The following EML2 variants were observed in gnomAD, a reference collection of about 807,000 sequenced individuals.
EML2 encodes EMAP like 2, also known as echinoderm microtubule-associated protein-like 2.
A neutral mutation model predicts 84.7 loss-of-function variants in EML2; 59 were observed. The observed-to-expected ratio is 0.70, with a 90% CI of 0.56 to 0.86. The LOEUF is 0.86. EML2 is among the 40% of genes least tolerant of loss of function. The pLI is 0.00. For synonymous variants in EML2, 352 were observed against 348.9 expected (o/e 1.01, Z -0.10); for missense variants, 818 against 855.6 (o/e 0.96, Z 0.55).
intron 17 of EML2, among the ~76,000 whole-genome samples, chr19:45,613,978 G>A (rs1970757895): frequency 6.6e-6 from 1 of 152,066 alleles, no homozygotes; most frequent in African/African-American, 2.4e-5. Flanking sequence ...TGGCCACCCT[G>A]CCTCCCTGCA....
upstream of EML2, chr19:45,639,464 G>C: frequency 8.2e-7 from 1 of 1,216,714 alleles, no homozygotes; most frequent in Non-Finnish European, 1.0e-6. Flanking sequence ...GGGCCGCCGC[G>C]CCCCTGCCCC....
At chr19:45,644,655 G>C, upstream of EML2, 1 of 455,322 alleles carries the variant, frequency 2.2e-6, no homozygotes, top group East Asian at 6.9e-5. Context: ...CAGAGACCAG[G>C]CCTCACTTCC....
intron 16 of EML2, 124 bp downstream of exon 16, chr19:45,615,678 A>G: frequency 1.2e-6 from 1 of 839,264 alleles, no homozygotes; most frequent in Non-Finnish European, 1.9e-6. Context: ...CCTAAATTCC[A>G]AATCAGAACC....
Position 45,626,844 on chromosome 19 carries a change from G to T in EML2, c.607-5C>A, listed in dbSNP as rs755087387. On this transcript the variant is annotated splice_polypyrimidine_tract_variant and splice_region_variant and intron_variant, in intron 7 of 18. Coordinates refer to ENST00000245925, the MANE Select transcript of EML2 (RefSeq NM_012155.4). Reference sequence around the variant, plus strand: ...CAATACAGCCTCATTGGAGCACTTTGGGGGGTGGGGGAGATTCTGAATGAG... The same window carrying T: ...CAATACAGCCTCATTGGAGCACTTTTGGGGGTGGGGGAGATTCTGAATGAG... The T allele has an allele frequency of 4.4e-6, 7 of 1,605,784 alleles. No homozygotes were observed. The South Asian group carries it at 4.4e-5, about 10-fold the overall frequency.
At chr19:45,630,849 GTTT>G (rs1241488510) in intron 6 of EML2, among the ~76,000 whole-genome samples, 3 of 152,028 alleles carry the variant, frequency 2.0e-5, no homozygotes, top group African/African-American at 7.2e-5. Context: ...GTTTTTGTTT[GTTT>G]TTTATTTTAT....
upstream of EML2, chr19:45,641,721 C>T (rs1974527693): frequency 6.5e-7 from 1 of 1,535,968 alleles, no homozygotes; most frequent in Non-Finnish European, 8.7e-7. Context: ...AGGCGAGGCG[C>T]TCTGGTGACA....
chr19:45,627,639 C>G (rs1972530147), intron 7 of EML2, among the ~76,000 whole-genome samples: 1 of 152,224 alleles, frequency 6.6e-6, no homozygotes, highest in African/African-American at 2.4e-5. Flanking sequence ...ATTAACAAAA[C>G]AGCAGACACT....
intron 6 of EML2, 160 bp downstream of exon 6, chr19:45,632,701 C>A: frequency 1.6e-6 from 1 of 632,472 alleles, no homozygotes; most frequent in Non-Finnish European, 2.7e-6. Context: ...ACTCACCCGC[C>A]CCTTGGGGTG....
In EML2 at chr19:45,634,335, C is replaced by T. The variant is rs749591053; in HGVS notation, c.316G>A (p.Asp106Asn). The T allele has an allele frequency of 3.7e-6, 6 of 1,613,228 alleles. No homozygotes were observed. The highest frequency in any genetic ancestry group is 1.7e-5 in the Admixed American group (1 of 59,960). ...CCCACATCTCACCATTTGATGTCATCGTTGTGTCCCAGGTAGTGTCGCTGC... is the reference window on the plus strand; with the variant it reads ...CCCACATCTCACCATTTGATGTCATTGTTGTGTCCCAGGTAGTGTCGCTGC... ...QRQRHYLGHN[D>N]DIKCLAIHPD... is the part of the protein sequence containing the mutation. Residue 106 changes from aspartate to asparagine, a missense_variant, in exon 4 of 19, where the codon GAT becomes AAT. By Grantham distance (23) the Asp-to-Asn change is conservative (BLOSUM62 1). Transcript: ENST00000245925.
intron 17 of EML2, among the ~76,000 whole-genome samples, chr19:45,614,329 T>G (rs1453583328): frequency 2.0e-5 from 3 of 152,188 alleles, no homozygotes; most frequent in Non-Finnish European, 4.4e-5. Flanking sequence ...TCAGGGAATA[T>G]GTGTTTGCTT....
At chr19:45,619,346 C>T in intron 11 of EML2, 155 bp from the exon 12 acceptor site, 1 of 951,760 alleles carries the variant, frequency 1.1e-6, no homozygotes, top group Non-Finnish European at 1.5e-6. Context: ...AAGGGGGCCT[C>T]AATTGGGCAT....
At chr19:45,639,320 G>T in intron 1 of EML2, 37 bp downstream of exon 1, 1 of 1,349,302 alleles carries the variant, frequency 7.4e-7, no homozygotes, top group Non-Finnish European at 9.6e-7. Context: ...CGGGAGCGCG[G>T]AGAGGAGATG....
upstream of EML2, chr19:45,644,729 G>T (rs1394088700): frequency 1.3e-5 from 6 of 456,016 alleles, no homozygotes; most frequent in Admixed American, 2.4e-5. Context: ...CACCCACAGT[G>T]GTCCTTCTGG....
chr19:45,614,095 T>C (rs528578510), intron 17 of EML2, among the ~76,000 whole-genome samples: 10 of 152,262 alleles, frequency 6.6e-5, no homozygotes, highest in Non-Finnish European at 1.3e-4. Context: ...TAACTCCTCA[T>C]CCTCCAGGTC....
intron 9 of EML2, among the ~76,000 whole-genome samples, 179 bp downstream of exon 9, chr19:45,624,540 G>T (rs571740929): frequency 6.6e-6 from 1 of 152,052 alleles, no homozygotes; most frequent in Non-Finnish European, 1.5e-5. Flanking sequence ...GGCAAGGCAG[G>T]GGGGAGTCAA....
chr19:45,611,965 G>A (rs542119077), intron 18 of EML2, among the ~76,000 whole-genome samples: 69 of 152,188 alleles, frequency 4.5e-4, no homozygotes, highest in Non-Finnish European at 8.5e-4. Context: ...TCTGCCTCCC[G>A]GGTTCAGGCA....
At chr19:45,636,410 G>A (rs773431454) in intron 3 of EML2, among the ~76,000 whole-genome samples, 20 of 152,328 alleles carry the variant, frequency 1.3e-4, no homozygotes, top group Admixed American at 4.6e-4. Context: ...CTGAGATTGG[G>A]CTGTTTTTTT....
chr19:45,618,432 G>A (rs1047471673), intron 12 of EML2, among the ~76,000 whole-genome samples: 1 of 151,780 alleles, frequency 6.6e-6, no homozygotes, highest in Non-Finnish European at 1.5e-5. Context: ...GTGGCCAGTG[G>A]TTACCCTATG....
Position 45,613,626 on chromosome 19 carries a change from G to T in EML2, c.1739C>A (p.Ala580Asp), listed in dbSNP as rs772014629. The T allele has an allele frequency of 6.2e-7, 1 of 1,613,954 alleles. No homozygotes were observed. Among genetic ancestry groups the T allele is most frequent in the African/African-American group, 1.3e-5 (1 of 74,890 alleles). ...GADGTDINAVARSHDGKLLAS... is the reference protein window; with the variant it reads ...GADGTDINAVDRSHDGKLLAS... Reference sequence around the variant, plus strand: ...CAGCAACTTCCCATCATGAGAGCGGGCCACAGCGTTGATATCAGTGCCGTC... The same window carrying T: ...CAGCAACTTCCCATCATGAGAGCGGTCCACAGCGTTGATATCAGTGCCGTC... The change falls in exon 18 of 19, where the codon GCC (alanine) becomes GAC (aspartate). Residue 580 changes from alanine (A) to aspartate (D), a missense_variant. By Grantham distance (126) the Ala-to-Asp change is moderately radical (BLOSUM62 -2). Coordinates refer to ENST00000245925, the MANE Select transcript of EML2 (RefSeq NM_012155.4).
Sources: gnomAD v4.1 joint callset for allele counts (sites outside exome capture counted in the v4.1 genomes callset) on GRCh38, gnomAD v4.1.1 for gene constraint, MANE v1.5 for transcripts, NCBI Gene and HGNC (gene_info 2026-07-23, HGNC 2026-07-21) for gene names.